The following CDYL2 variants were observed in gnomAD, a reference collection of about 807,000 sequenced individuals.
The protein encoded by CDYL2 is chromodomain Y-like protein 2.
CDYL2 carries 23 observed loss-of-function variants against 49.4 expected under a neutral mutation model. The observed-to-expected ratio is 0.47, with a 90% CI of 0.34 to 0.66. The LOEUF (loss-of-function observed/expected upper bound fraction) is 0.66. Ranked by LOEUF, CDYL2 falls within the 30% of genes least tolerant of loss-of-function variation. The pLI is 0.01. For missense variants in CDYL2, 678 were observed against 656.4 expected (o/e 1.03, Z -0.36); for synonymous variants, 360 against 268.8 (o/e 1.34, Z -3.32).
intron 1 of CDYL2, among the ~76,000 whole-genome samples, chr16:80,764,752 T>G (rs922824192): frequency 6.6e-6 from 1 of 151,938 alleles, no homozygotes; most frequent in Non-Finnish European, 1.5e-5. Flanking sequence ...TGACTGATAA[T>G]ATGGAATAGA....
At chr16:80,643,917 A>T (rs1354793091) in intron 2 of CDYL2, among the ~76,000 whole-genome samples, 1 of 152,226 alleles carries the variant, frequency 6.6e-6, no homozygotes, top group African/African-American at 2.4e-5. Flanking sequence ...GGGGATTAAC[A>T]TTCAGCTCCT....
intron 1 of CDYL2, among the ~76,000 whole-genome samples, chr16:80,737,242 T>C (rs144743179): frequency 3.1e-3 from 477 of 152,292 alleles, no homozygotes; most frequent in Non-Finnish European, 4.2e-3. Context: ...ACAGAGATGT[T>C]AACACTTTTG....
chr16:80,720,626 G>T (rs545492786), intron 1 of CDYL2, among the ~76,000 whole-genome samples: 1 of 152,336 alleles, frequency 6.6e-6, no homozygotes, highest in Admixed American at 6.5e-5. Context: ...GAAACAAGAT[G>T]TTGCTGCTGG....
intron 1 of CDYL2, among the ~76,000 whole-genome samples, chr16:80,787,362 G>C (rs1907471423): frequency 6.6e-6 from 1 of 152,178 alleles, no homozygotes; most frequent in South Asian, 2.1e-4. Context: ...CCAACAGCCA[G>C]TACTTCCATG....
At chr16:80,803,675 C>T (rs1290244852) in intron 1 of CDYL2, among the ~76,000 whole-genome samples, 1 of 142,524 alleles carries the variant, frequency 7.0e-6, no homozygotes, top group Non-Finnish European at 1.6e-5. Flanking sequence ...CCCTCCTCCC[C>T]CGCGCCCCCG....
chr16:80,604,469 G>A lies in CDYL2; in HGVS notation c.1440C>T (p.Leu480=). ...AGGAGCTCCAGAGCTGCTTGAGCAT[G>A]AGGCATTCCTTCTCGTTCACGTCTT... ...VLEDVNEKEC[L]MLKQLWSSSK... Residue 480 remains leucine (L), a synonymous_variant, in exon 7 of 7, where the codon CTC becomes CTT. Transcript: ENST00000570137. 1 of 1,614,196 alleles carries A rather than the reference G, an allele frequency of 6.2e-7. No homozygotes were observed. The highest frequency in any genetic ancestry group is 1.1e-5 in the South Asian group (1 of 91,084).
At chr16:80,604,812 A>G (rs552432338) in intron 6 of CDYL2, among the ~76,000 whole-genome samples, 6 of 152,222 alleles carry the variant, frequency 3.9e-5, no homozygotes, top group Admixed American at 6.5e-5. Flanking sequence ...CTGTTGCCCA[A>G]TGGTGATACA....
chr16:80,694,348 G>A (rs538419581), intron 1 of CDYL2, among the ~76,000 whole-genome samples: 7 of 152,300 alleles, frequency 4.6e-5, no homozygotes, highest in East Asian at 1.9e-4. Context: ...CATAACCAGG[G>A]GGTTAGGAAC....
chr16:80,698,391 G>A (rs1395615164), intron 1 of CDYL2, among the ~76,000 whole-genome samples: 1 of 152,056 alleles, frequency 6.6e-6, no homozygotes, highest in Non-Finnish European at 1.5e-5. Context: ...AATATACAAG[G>A]AACTCAACAC....
At chr16:80,739,261 G>A (rs1270122792) in intron 1 of CDYL2, among the ~76,000 whole-genome samples, 2 of 152,192 alleles carry the variant, frequency 1.3e-5, no homozygotes, top group Non-Finnish European at 2.9e-5. Context: ...AGGGGAGAAT[G>A]TGGGATTAGT....
chr16:80,666,638 C>A (rs1224779104), intron 2 of CDYL2, among the ~76,000 whole-genome samples: 1 of 152,162 alleles, frequency 6.6e-6, no homozygotes, highest in African/African-American at 2.4e-5. Context: ...GTGAAGAGCC[C>A]TGACAAAATA....
rs1246217985 is a variant in CDYL2 at position 80,598,624 on chromosome 16, C to T, written c.*5764G>A. 6.6e-6 allele frequency: 1 copy of T among 152,212 alleles called. No individual in the cohort carries two copies. The highest frequency in any genetic ancestry group is 1.5e-5 in the Non-Finnish European group (1 of 68,074). The allele number at this position is 152,212 out of a possible 1,614,324, so 9.4% of individuals were successfully genotyped here. The stretch of plus-strand genomic sequence containing the variant: ...TCATATTCAGATGGAGGAGTCTACA[C>T]TGGCCAGATAACCTGGAGGAGTACC... On this transcript the variant is annotated 3_prime_UTR_variant, in exon 7 of 7. Coordinates refer to ENST00000570137, the MANE Select transcript of CDYL2 (RefSeq NM_152342.4).
intron 1 of CDYL2, among the ~76,000 whole-genome samples, chr16:80,744,627 G>C (rs764290956): frequency 6.6e-6 from 1 of 152,182 alleles, no homozygotes; most frequent in African/African-American, 2.4e-5. Flanking sequence ...GGCTCTAGGA[G>C]GTTAAGCAAC....
chr16:80,673,154 C>T lies in CDYL2; in HGVS notation c.616+11384G>A, dbSNP rs1349805452. Among the ~76,000 whole-genome samples, 3 of 151,966 alleles carry T rather than the reference C, an allele frequency of 2.0e-5. No individual in the cohort carries two copies. The East Asian group carries it at 5.8e-4, about 29-fold the overall frequency. ...CCAACATGGTGAAACCCCATTTCTA[C>T]TAAAAGTACAAAAAAATTAGCCGGG... On this transcript the variant is annotated intron_variant, in intron 2 of 6. Transcript: ENST00000570137.
At position 80,746,810 on chromosome 16, in the gene CDYL2, C is replaced by CCATTATTGTTGGCT. The variant is rs544355593; in HGVS notation, c.24+57326_24+57339dup. On this transcript the variant is annotated intron_variant, in intron 1 of 6. Transcript: ENST00000570137. ...TAGGACACTGTGCTTTTATCATAAC[C>CCATTATTGTTGGCT]CATTATTGTTGGCTGAGCTTGCTTA... Among the ~76,000 whole-genome samples the CCATTATTGTTGGCT allele has an allele frequency of 6.8e-3, 1,042 of 152,230 alleles. 7 individuals are homozygous for CCATTATTGTTGGCT. The highest frequency in any genetic ancestry group is 9.8e-3 in the South Asian group (47 of 4,808).
At chr16:80,717,723 G>C (rs1904859211) in intron 1 of CDYL2, among the ~76,000 whole-genome samples, 1 of 152,208 alleles carries the variant, frequency 6.6e-6, no homozygotes, top group Admixed American at 6.5e-5. Flanking sequence ...AGTTGGCCAG[G>C]ATATGTAAAA....
chr16:80,780,676 T>A (rs1309400612), intron 1 of CDYL2, among the ~76,000 whole-genome samples: 1 of 152,086 alleles, frequency 6.6e-6, no homozygotes, highest in Non-Finnish European at 1.5e-5. Context: ...AAGTGCTGGA[T>A]TACAGGTGTG....
intron 2 of CDYL2, among the ~76,000 whole-genome samples, chr16:80,657,857 T>C (rs1005520084): frequency 6.6e-6 from 1 of 152,164 alleles, no homozygotes; most frequent in African/African-American, 2.4e-5. Context: ...CATAAAATTA[T>C]TGTAGCTTTA....
At chr16:80,616,345 C>T (rs532710826) in intron 4 of CDYL2, among the ~76,000 whole-genome samples, 6 of 152,314 alleles carry the variant, frequency 3.9e-5, no homozygotes, top group African/African-American at 1.2e-4. Context: ...CACGCGATCC[C>T]TGCTGCTATT....
Sources: allele counts gnomAD v4.1 joint callset (sites outside exome capture counted in the v4.1 genomes callset), GRCh38; gene constraint gnomAD v4.1.1; transcripts MANE v1.5; gene names NCBI Gene and HGNC (gene_info 2026-07-23, HGNC 2026-07-21).